The following CA10 variants were observed in gnomAD, a reference collection of about 807,000 sequenced individuals.
The protein encoded by CA10 is carbonic anhydrase 10 (inactive).
CA10 carries 14 observed loss-of-function variants against 44.2 expected under a neutral mutation model. The ratio of observed to expected loss-of-function variants is 0.32; its 90% CI spans 0.21 to 0.50. The LOEUF is 0.50. CA10 is among the 20% of genes least tolerant of loss of function. The pLI is 0.99. For synonymous variants in CA10, 159 were observed against 141.6 expected (o/e 1.12, Z -0.87); for missense variants, 350 against 409.7 (o/e 0.85, Z 1.26).
At chr17:51,903,556 C>A (rs557871175) in intron 3 of CA10, among the ~76,000 whole-genome samples, 28 of 152,172 alleles carry the variant, frequency 1.8e-4, no homozygotes, top group Non-Finnish European at 3.8e-4. Flanking sequence ...AACATTAGAT[C>A]CCAACCTGAA....
At chr17:52,042,188 C>T (rs752699161) in intron 2 of CA10, among the ~76,000 whole-genome samples, 7 of 152,002 alleles carry the variant, frequency 4.6e-5, no homozygotes, top group African/African-American at 7.2e-5. Context: ...TCCATACTGG[C>T]TGTACCAATT....
At chr17:51,793,871 T>A (rs1906612235) in intron 3 of CA10, among the ~76,000 whole-genome samples, 1 of 152,214 alleles carries the variant, frequency 6.6e-6, no homozygotes, top group Non-Finnish European at 1.5e-5. Context: ...TGTGCCTCCA[T>A]CTGCCTTCCA....
At chr17:52,096,779 A>G (rs1171663785) in intron 1 of CA10, among the ~76,000 whole-genome samples, 1 of 152,182 alleles carries the variant, frequency 6.6e-6, no homozygotes, top group South Asian at 2.1e-4. Context: ...GGTCAAAGCC[A>G]TTTGCAAATA....
chr17:52,078,021 C>T (rs1179088411), intron 1 of CA10, among the ~76,000 whole-genome samples: 4 of 152,220 alleles, frequency 2.6e-5, no homozygotes, highest in African/African-American at 9.7e-5. Context: ...ACCACAAATA[C>T]AGGCATCACA....
At chr17:51,983,575 T>G (rs1263536482) in intron 2 of CA10, among the ~76,000 whole-genome samples, 3 of 150,952 alleles carry the variant, frequency 2.0e-5, no homozygotes, top group African/African-American at 7.3e-5. Context: ...AAGGTGTTTT[T>G]TTTTCCAGAT....
intron 3 of CA10, among the ~76,000 whole-genome samples, chr17:51,853,733 C>T (rs914998533): frequency 3.3e-5 from 5 of 152,018 alleles, no homozygotes; most frequent in African/African-American, 1.2e-4. Context: ...ATCATGGGGG[C>T]GGTTTCCCCC....
chr17:51,807,264 C>A (rs1598054564), intron 3 of CA10, among the ~76,000 whole-genome samples: 1 of 152,274 alleles, frequency 6.6e-6, no homozygotes, highest in East Asian at 1.9e-4. Context: ...TTTGCTTTCG[C>A]TGCTTTATTT....
chr17:52,133,527 A>G (rs1466610013), intron 1 of CA10, among the ~76,000 whole-genome samples: 1 of 152,170 alleles, frequency 6.6e-6, no homozygotes, highest in East Asian at 1.9e-4. Flanking sequence ...TAACAAGAAA[A>G]AAAAAACAGT....
chr17:52,029,116 G>A (rs1244316611), intron 2 of CA10, among the ~76,000 whole-genome samples: 1 of 152,106 alleles, frequency 6.6e-6, no homozygotes, highest in Admixed American at 6.5e-5. Flanking sequence ...AGTTTTAAAT[G>A]ATAAGTTAAT....
At chr17:51,656,356 A>C (rs1913792478) in intron 4 of CA10, among the ~76,000 whole-genome samples, 1 of 152,226 alleles carries the variant, frequency 6.6e-6, no homozygotes, top group South Asian at 2.1e-4. Flanking sequence ...ACTGTAAGAA[A>C]GGAGCTGGCA....
intron 1 of CA10, among the ~76,000 whole-genome samples, chr17:52,154,234 C>T (rs753405941): frequency 4.6e-5 from 7 of 152,064 alleles, no homozygotes; most frequent in Admixed American, 2.0e-4. Flanking sequence ...AAATGATATA[C>T]TGAATTTTGA....
chr17:51,781,875 T>C (rs1906076412), intron 3 of CA10, among the ~76,000 whole-genome samples: 1 of 152,228 alleles, frequency 6.6e-6, no homozygotes, highest in Admixed American at 6.5e-5. Flanking sequence ...AGGTAGGTAT[T>C]AGATAACATT....
intron 3 of CA10, among the ~76,000 whole-genome samples, chr17:51,793,398 A>G (rs1476096005): frequency 6.6e-6 from 1 of 152,214 alleles, no homozygotes. Context: ...TCAGTTAGCC[A>G]CATGTTGAAA....
intron 4 of CA10, among the ~76,000 whole-genome samples, chr17:51,743,229 A>C (rs555415341): frequency 1.8e-4 from 27 of 152,336 alleles, no homozygotes; most frequent in East Asian, 7.7e-4. Flanking sequence ...CAAATCAGGA[A>C]GATTCTTCTT....
chr17:51,876,345 CTTT>C (rs767472733), intron 3 of CA10, among the ~76,000 whole-genome samples: 7 of 123,662 alleles, frequency 5.7e-5, no homozygotes, highest in Admixed American at 8.2e-5. Flanking sequence ...TTTTTTTCAT[CTTT>C]TTTTTTTTTT....
intron 2 of CA10, among the ~76,000 whole-genome samples, chr17:52,028,178 T>C (rs1053115579): frequency 9.9e-5 from 15 of 152,186 alleles, no homozygotes; most frequent in African/African-American, 3.4e-4. Flanking sequence ...TACTGTGATG[T>C]TATTAACAAA....
At chr17:51,930,943 G>T (rs1274576255) in intron 3 of CA10, 47 bp downstream of exon 3, 2 of 1,606,242 alleles carry the variant, frequency 1.2e-6, no homozygotes, top group South Asian at 1.1e-5. Flanking sequence ...TCAGAATCAA[G>T]ATGGCCCCAT....
intron 6 of CA10, 106 bp from the exon 7 acceptor site, chr17:51,636,115 T>C: frequency 3.5e-6 from 2 of 576,142 alleles, no homozygotes; most frequent in Non-Finnish European, 2.9e-6. Context: ...TACATACATA[T>C]ATACACACAC....
chr17:51,835,855 C>T (rs1027337720), intron 3 of CA10, among the ~76,000 whole-genome samples: 1 of 152,130 alleles, frequency 6.6e-6, no homozygotes, highest in Admixed American at 6.5e-5. Context: ...CAAAATGCTA[C>T]TGCAGCAGAG....
Sources: gnomAD v4.1 joint callset for allele counts (sites outside exome capture counted in the v4.1 genomes callset) on GRCh38, gnomAD v4.1.1 for gene constraint, MANE v1.5 for transcripts, NCBI Gene and HGNC (gene_info 2026-07-23, HGNC 2026-07-21) for gene names.